The following CLPB variants were observed in gnomAD, a reference collection of about 807,000 sequenced individuals.
The protein encoded by CLPB is ClpB family mitochondrial disaggregase, also known as mitochondrial disaggregase.
CLPB carries 40 observed loss-of-function variants against 78.4 expected under a neutral mutation model. The ratio of observed to expected loss-of-function variants is 0.51; its 90% CI spans 0.40 to 0.66. CLPB has a LOEUF of 0.66. Among genes scored for constraint, CLPB ranks in the 30% least tolerant of loss-of-function variants. The probability of loss-of-function intolerance (pLI) is 0.00; values close to 1 mark genes in which losing one functional copy is unlikely to be tolerated. For missense variants in CLPB, 780 were observed against 886.9 expected, an observed-to-expected ratio of 0.88 and a Z score of 1.53; for synonymous variants, 333 against 348.0, an observed-to-expected ratio of 0.96 and a Z score of 0.48.
chr11:72,403,446 A>T (rs1855622304), intron 2 of CLPB, among the ~76,000 whole-genome samples: 1 of 152,074 alleles, frequency 6.6e-6, no homozygotes, highest in Non-Finnish European at 1.5e-5. Flanking sequence ...GCCTATTTGA[A>T]TTCTCCTCTC....
chr11:72,371,096 C>T (rs1190624894), intron 4 of CLPB, among the ~76,000 whole-genome samples: 5 of 152,070 alleles, frequency 3.3e-5, no homozygotes, highest in Non-Finnish European at 5.9e-5. Context: ...CAGGGTCTTG[C>T]TCTGTCACCC....
intron 5 of CLPB, among the ~76,000 whole-genome samples, chr11:72,350,234 C>T (rs992477039): frequency 6.6e-6 from 1 of 151,778 alleles, no homozygotes; most frequent in Non-Finnish European, 1.5e-5. Context: ...GCTGCAGATA[C>T]AATACCACAG....
chr11:72,406,421 T>C (rs1008468851), intron 2 of CLPB, among the ~76,000 whole-genome samples: 2 of 152,186 alleles, frequency 1.3e-5, no homozygotes, highest in Non-Finnish European at 1.5e-5. Context: ...ATAAAGGGCA[T>C]TGGAGTAAGT....
intron 5 of CLPB, among the ~76,000 whole-genome samples, chr11:72,338,643 G>A (rs953646804): frequency 6.6e-6 from 1 of 152,198 alleles, no homozygotes; most frequent in African/African-American, 2.4e-5. Flanking sequence ...GGCCACTCAA[G>A]CCTACAGATC....
intron 6 of CLPB, among the ~76,000 whole-genome samples, chr11:72,324,494 A>G (rs1950098188): frequency 6.6e-6 from 1 of 152,186 alleles, no homozygotes. Flanking sequence ...TGAATCTGGA[A>G]GGCAGAGGTT....
intron 9 of CLPB, among the ~76,000 whole-genome samples, chr11:72,304,459 T>C (rs1265112162): frequency 1.3e-5 from 2 of 152,184 alleles, no homozygotes; most frequent in South Asian, 4.1e-4. Context: ...CCTTATCATA[T>C]TGCTACTATA....
chr11:72,328,844 A>G (rs1950172938), intron 6 of CLPB, among the ~76,000 whole-genome samples: 1 of 152,208 alleles, frequency 6.6e-6, no homozygotes, highest in African/African-American at 2.4e-5. Context: ...CAGGAGTAAA[A>G]TAAGTCAGCT....
intron 1 of CLPB, among the ~76,000 whole-genome samples, chr11:72,432,854 A>T (rs1261230963): frequency 6.6e-6 from 1 of 152,136 alleles, no homozygotes; most frequent in African/African-American, 2.4e-5. Flanking sequence ...ATCAAAGTCA[A>T]GGCACTCCCT....
intron 6 of CLPB, 65 bp from the exon 7 acceptor site, chr11:72,317,285 C>G: frequency 8.1e-7 from 1 of 1,234,030 alleles, no homozygotes; most frequent in Admixed American, 2.2e-5. Flanking sequence ...TTCACTCTAT[C>G]CCCCAACTCG....
At chr11:72,374,853 A>G (rs555621317) in intron 4 of CLPB, among the ~76,000 whole-genome samples, 21 of 152,280 alleles carry the variant, frequency 1.4e-4, no homozygotes, top group African/African-American at 5.1e-4. Context: ...CTCACTTTAA[A>G]TCCTTTCTTT....
chr11:72,288,541 C>T lies in CLPB; in HGVS notation c.*4826G>A, dbSNP rs1421439191. On this transcript the variant is annotated 3_prime_UTR_variant, in exon 16 of 16. Transcript: ENST00000538039. ...TGGGTCTCACCTTGCTGCATTGTCTCAGAGCTCAAATCCTGGCCACAGCAA... is the reference window on the plus strand; with the variant it reads ...TGGGTCTCACCTTGCTGCATTGTCTTAGAGCTCAAATCCTGGCCACAGCAA... The T allele has an allele frequency of 6.6e-6, 1 of 152,256 alleles. No individual in the cohort carries two copies. The highest frequency in any genetic ancestry group is 2.4e-5 in the African/African-American group (1 of 41,436). 9.4% of individuals were successfully genotyped at this position (152,256 alleles called of 1,614,324 possible).
chr11:72,323,396 G>A (rs181996639), intron 6 of CLPB, among the ~76,000 whole-genome samples: 1 of 151,598 alleles, frequency 6.6e-6, no homozygotes, highest in Non-Finnish European at 1.5e-5. Flanking sequence ...GTGAAACCTC[G>A]TCTTTACTAA....
chr11:72,428,227 T>A (rs887698058), intron 2 of CLPB, among the ~76,000 whole-genome samples: 3 of 152,180 alleles, frequency 2.0e-5, no homozygotes, highest in African/African-American at 7.2e-5. Flanking sequence ...ATTCAGGCCC[T>A]CATCATCTTG....
intron 5 of CLPB, among the ~76,000 whole-genome samples, chr11:72,356,495 T>C (rs1427869144): frequency 6.6e-6 from 1 of 152,038 alleles, no homozygotes; most frequent in Non-Finnish European, 1.5e-5. Flanking sequence ...AGGTCAGAAG[T>C]TGGCAGCCTG....
In CLPB at chr11:72,288,335, A is replaced by T. The variant is rs900352952; in HGVS notation, c.*5032T>A. 6 of 152,062 alleles carry T rather than the reference A, an allele frequency of 3.9e-5. No individual in the cohort carries two copies. The highest frequency in any genetic ancestry group is 8.8e-5 in the Non-Finnish European group (6 of 68,020). The allele number at this position is 152,062 out of a possible 1,614,324, so 9.4% of individuals were successfully genotyped here. A position where few individuals can be genotyped will look rare whatever the true frequency, so the allele number is the denominator to read the frequency against. Reference sequence around the variant, plus strand: ...AAACCCCGTCTTTACTAAAAATACAAAAAAAATTAGCTGGGTATGGTGGCA... The same window carrying T: ...AAACCCCGTCTTTACTAAAAATACATAAAAAATTAGCTGGGTATGGTGGCA... On this transcript the variant is annotated 3_prime_UTR_variant, in exon 16 of 16. Transcript: ENST00000538039.
intron 7 of CLPB, among the ~76,000 whole-genome samples, chr11:72,315,283 C>T (rs1447739323): frequency 6.6e-6 from 1 of 152,194 alleles, no homozygotes; most frequent in Non-Finnish European, 1.5e-5. Flanking sequence ...GAATAGATAG[C>T]TGGTTGCCTT....
rs967733368 is a variant in CLPB, at chr11:72,285,904, G to C, written c.*7463C>G. On this transcript the variant is annotated 3_prime_UTR_variant, in exon 16 of 16. Transcript: ENST00000538039. ...AGAAAAAACAATTGATTTTTGTACA[G>C]TTATCTTTTATTCAGACACTTATCC... The C allele has an allele frequency of 6.7e-6, 1 of 149,308 alleles. No individual in the cohort carries two copies. Among genetic ancestry groups the C allele is most frequent in the Non-Finnish European group, 1.5e-5 (1 of 67,592 alleles). The allele number at this position is 149,308 out of a possible 1,614,324, so 9.2% of individuals were successfully genotyped here. A position where few individuals can be genotyped will look rare whatever the true frequency, so the allele number is the denominator to read the frequency against.
intron 4 of CLPB, among the ~76,000 whole-genome samples, chr11:72,374,131 G>A (rs1951096531): frequency 6.6e-6 from 1 of 152,138 alleles, no homozygotes; most frequent in Non-Finnish European, 1.5e-5. Flanking sequence ...TCAGCTGTTA[G>A]TACCCCTTGA....
At chr11:72,362,514 A>G (rs903397145) in intron 4 of CLPB, among the ~76,000 whole-genome samples, 1 of 152,242 alleles carries the variant, frequency 6.6e-6, no homozygotes, top group Non-Finnish European at 1.5e-5. Flanking sequence ...AATAAAAGTA[A>G]TACCAGTCAA....
Sources: allele counts gnomAD v4.1 joint callset (sites outside exome capture counted in the v4.1 genomes callset), GRCh38; gene constraint gnomAD v4.1.1; transcripts MANE v1.5; gene names NCBI Gene and HGNC (gene_info 2026-07-23, HGNC 2026-07-21).